The following ADAMTS3 variants were observed in gnomAD, a reference collection of about 807,000 sequenced individuals.
ADAMTS3 encodes ADAM metallopeptidase with thrombospondin type 1 motif 3, also known as A disintegrin and metalloproteinase with thrombospondin motifs 3.
ADAMTS3 carries 73 observed loss-of-function variants against 129.0 expected under a neutral mutation model. That is an observed-to-expected ratio of 0.57 (90% CI 0.47 to 0.69). ADAMTS3 has a LOEUF of 0.69. ADAMTS3 is among the 30% of genes least tolerant of loss of function. The probability of loss-of-function intolerance (pLI) is 0.00; values close to 1 mark genes in which losing one functional copy is unlikely to be tolerated. For synonymous variants in ADAMTS3, 477 were observed against 510.8 expected (o/e 0.93, Z 0.89); for missense variants, 1,457 against 1,514.5 (o/e 0.96, Z 0.63).
At chr4:72,440,417 T>C (rs1429226691) in intron 3 of ADAMTS3, among the ~76,000 whole-genome samples, 1 of 151,802 alleles carries the variant, frequency 6.6e-6, no homozygotes, top group Admixed American at 6.6e-5. Context: ...AGTTGTTGCA[T>C]AGGGGAAAAA....
intron 14 of ADAMTS3, 106 bp downstream of exon 14, chr4:72,310,942 A>T: frequency 9.4e-7 from 1 of 1,068,072 alleles, no homozygotes; most frequent in Non-Finnish European, 1.3e-6. Context: ...CACTTACTAT[A>T]ATGTGATTTC....
chr4:72,423,268 G>C (rs1722490165), intron 3 of ADAMTS3, among the ~76,000 whole-genome samples: 1 of 152,126 alleles, frequency 6.6e-6, no homozygotes, highest in African/African-American at 2.4e-5. Flanking sequence ...TCATAGCACA[G>C]AAATGCATAG....
At chr4:72,326,586 C>T (rs1170852563) in intron 5 of ADAMTS3, among the ~76,000 whole-genome samples, 5 of 152,194 alleles carry the variant, frequency 3.3e-5, no homozygotes, top group South Asian at 2.1e-4. Context: ...TCTACTTTTA[C>T]TTGCTTTGTC....
chr4:72,304,828 A>C (rs1030201517), intron 16 of ADAMTS3, among the ~76,000 whole-genome samples: 1 of 152,074 alleles, frequency 6.6e-6, no homozygotes, highest in African/African-American at 2.4e-5. Flanking sequence ...AAACATGAGT[A>C]ATTTTAATTA....
In ADAMTS3 at chr4:72,548,873, T is replaced by C; in HGVS notation, c.109A>G (p.Lys37Glu). Residue 37 changes from lysine to glutamate, a missense_variant, in exon 3 of 22, where the codon AAG (lysine) becomes GAG (glutamate). Physicochemically the swap from Lys to Glu is moderately conservative, Grantham distance 56. Transcript: ENST00000286657. ...EEMVQIDLPIKRYREYELVTP... is the reference protein window; with the variant it reads ...EEMVQIDLPIERYREYELVTP... The stretch of plus-strand genomic sequence containing the variant: ...ACCAGCTCATACTCTCTATATCTCT[T>C]TATTGGTAAATCTGTGGGGTGAAAA... 1 of 1,605,888 alleles carries C rather than the reference T, an allele frequency of 6.2e-7. No individual in the cohort carries two copies. The highest frequency in any genetic ancestry group is 8.5e-7 in the Non-Finnish European group (1 of 1,175,134).
Position 72,420,337 on chromosome 4 carries a change from C to T in ADAMTS3, c.505-5366G>A, listed in dbSNP as rs190464845. 4.6e-5 allele frequency among the ~76,000 whole-genome samples: 7 copies of T among 152,260 alleles called. 1 individual carries two copies. In the East Asian group the frequency reaches 1.4e-3, roughly 29 times the overall value. ...TCTTGAATACTTAAGGGGTGTTTCC[C>T]CTTTAAGACCTTTGCACTGGCTCTT... On this transcript the variant is annotated intron_variant, in intron 3 of 21. Transcript: ENST00000286657.
chr4:72,315,828 C>T (rs555700902), intron 11 of ADAMTS3, 30 bp downstream of exon 11: 7 of 1,354,754 alleles, frequency 5.2e-6, no homozygotes, highest in Non-Finnish European at 1.0e-6. Flanking sequence ...ACATATCTTA[C>T]ATATTTATTG....
intron 4 of ADAMTS3, among the ~76,000 whole-genome samples, chr4:72,409,555 C>T (rs1293687215): frequency 1.4e-5 from 2 of 140,854 alleles, no homozygotes; most frequent in African/African-American, 5.0e-5. Flanking sequence ...ATCTTCAATT[C>T]TTTATTGGAA....
chr4:72,380,093 T>C (rs1392674267), intron 4 of ADAMTS3, among the ~76,000 whole-genome samples: 1 of 152,112 alleles, frequency 6.6e-6, no homozygotes, highest in African/African-American at 2.4e-5. Flanking sequence ...ATTATGTAAT[T>C]CTAATGTGAA....
intron 3 of ADAMTS3, among the ~76,000 whole-genome samples, chr4:72,497,516 G>A (rs1252062476): frequency 1.3e-5 from 2 of 151,246 alleles, no homozygotes; most frequent in East Asian, 3.9e-4. Context: ...TACATATTAT[G>A]TTAAATATTA....
chr4:72,408,901 C>T (rs978795058), intron 4 of ADAMTS3, among the ~76,000 whole-genome samples: 1 of 151,728 alleles, frequency 6.6e-6, no homozygotes, highest in Non-Finnish European at 1.5e-5. Context: ...GAACATCACA[C>T]ACCAGGGCCG....
At chr4:72,319,518 T>G (rs147917208) in intron 8 of ADAMTS3, 43 bp from the exon 9 acceptor site, 1 of 1,562,026 alleles carries the variant, frequency 6.4e-7, no homozygotes, top group Non-Finnish European at 8.6e-7. Flanking sequence ...CAGGGGCTAC[T>G]GCCTTCACTT....
chr4:72,562,527 G>A lies in ADAMTS3; in HGVS notation c.97+4847C>T, dbSNP rs140388395. 8.5e-5 allele frequency among the ~76,000 whole-genome samples: 13 copies of A among 152,226 alleles called. No homozygotes were observed. The East Asian group carries it at 1.7e-3, about 20-fold the overall frequency. On this transcript the variant is annotated intron_variant, in intron 2 of 21. Transcript: ENST00000286657. ...ATGAGATTAAAATGAAGTTCAGAAG[G>A]AGTTTGTAATTATGTTGAAAAATTG...
At chr4:72,454,008 G>A (rs1426549332) in intron 3 of ADAMTS3, among the ~76,000 whole-genome samples, 1 of 151,100 alleles carries the variant, frequency 6.6e-6, no homozygotes, top group Admixed American at 6.6e-5. Context: ...CTGTAGATTT[G>A]CTTGAAAGCA....
chr4:72,455,226 GA>G (rs1162090277), intron 3 of ADAMTS3, among the ~76,000 whole-genome samples: 2 of 151,450 alleles, frequency 1.3e-5, no homozygotes, highest in Non-Finnish European at 3.0e-5. Flanking sequence ...AACAAATATA[GA>G]AAAAACTTAG....
chr4:72,341,380 A>G (rs1720133376), intron 4 of ADAMTS3, among the ~76,000 whole-genome samples: 1 of 152,158 alleles, frequency 6.6e-6, no homozygotes, highest in African/African-American at 2.4e-5. Context: ...CACAATATAT[A>G]AATAACTCTC....
intron 4 of ADAMTS3, among the ~76,000 whole-genome samples, chr4:72,345,713 C>T (rs944730008): frequency 2.0e-5 from 3 of 152,022 alleles, no homozygotes; most frequent in Non-Finnish European, 4.4e-5. Flanking sequence ...TTCTAACATC[C>T]GTGTGTTTGC....
intron 4 of ADAMTS3, among the ~76,000 whole-genome samples, chr4:72,373,920 T>G (rs992565277): frequency 0.015 from 1,502 of 98,946 alleles, 42 homozygotes; most frequent in African/African-American, 0.039. Context: ...ATAATAATAA[T>G]AATAATAATA....
intron 3 of ADAMTS3, among the ~76,000 whole-genome samples, chr4:72,449,608 C>A (rs1228596722): frequency 6.6e-6 from 1 of 151,776 alleles, no homozygotes; most frequent in African/African-American, 2.4e-5. Context: ...ATCCTCTATT[C>A]CATTCTTTAC....
Sources: gnomAD v4.1 joint callset for allele counts (sites outside exome capture counted in the v4.1 genomes callset) on GRCh38, gnomAD v4.1.1 for gene constraint, MANE v1.5 for transcripts, NCBI Gene and HGNC (gene_info 2026-07-23, HGNC 2026-07-21) for gene names.